The following NELL1 variants were observed in gnomAD, a reference collection of about 807,000 sequenced individuals.
NELL1 encodes the protein neural EGFL like 1.
NELL1 carries 76 observed loss-of-function variants against 107.4 expected under a neutral mutation model. The observed-to-expected ratio is 0.71, with a 90% CI of 0.59 to 0.86. The LOEUF (loss-of-function observed/expected upper bound fraction) is 0.86, where lower values mean the gene tolerates loss of function less well. Ranked by LOEUF, NELL1 falls within the 40% of genes least tolerant of loss-of-function variation. NELL1 has a pLI of 0.00. For missense variants in NELL1, 1,024 were observed against 1,005.5 expected (o/e 1.02, Z -0.25); for synonymous variants, 353 against 341.2 (o/e 1.03, Z -0.38).
intron 14 of NELL1, among the ~76,000 whole-genome samples, chr11:21,297,865 C>G (rs961591696): frequency 6.6e-6 from 1 of 151,492 alleles, no homozygotes; most frequent in Non-Finnish European, 1.5e-5. Flanking sequence ...CTCAGATGAG[C>G]CTTGACAAAG....
At chr11:21,167,901 T>C (rs1259784264) in intron 13 of NELL1, among the ~76,000 whole-genome samples, 1 of 151,860 alleles carries the variant, frequency 6.6e-6, no homozygotes, top group African/African-American at 2.4e-5. Context: ...AAACCAAATA[T>C]GCCTCCATGC....
At chr11:21,322,102 C>T (rs114692429) in intron 14 of NELL1, among the ~76,000 whole-genome samples, 2,145 of 152,178 alleles carry the variant, frequency 0.014, 54 homozygotes, top group African/African-American at 0.049. Flanking sequence ...ATTCTGTGCT[C>T]CTAAAGTCTA....
At chr11:20,750,817 A>T (rs538853268) in intron 2 of NELL1, among the ~76,000 whole-genome samples, 6 of 152,050 alleles carry the variant, frequency 3.9e-5, no homozygotes, top group South Asian at 2.1e-4. Flanking sequence ...TTAACTCCTG[A>T]TCTCAAGGAA....
At chr11:21,025,489 C>A (rs1811807265) in intron 12 of NELL1, among the ~76,000 whole-genome samples, 1 of 151,446 alleles carries the variant, frequency 6.6e-6, no homozygotes, top group Non-Finnish European at 1.5e-5. Flanking sequence ...GCATGGCTAC[C>A]TGCATAATTA....
At chr11:20,719,179 ATC>A (rs1855320163) in intron 2 of NELL1, among the ~76,000 whole-genome samples, 2 of 152,172 alleles carry the variant, frequency 1.3e-5, no homozygotes, top group South Asian at 4.1e-4. Flanking sequence ...ATTTGGTTCA[ATC>A]TCTTTTTGAT....
At chr11:21,146,502 C>T (rs912257052) in intron 13 of NELL1, among the ~76,000 whole-genome samples, 4 of 152,070 alleles carry the variant, frequency 2.6e-5, no homozygotes, top group South Asian at 2.1e-4. Context: ...TAGCTGTGGT[C>T]GTAAGAGTGA....
chr11:21,284,091 A>G (rs1849056940), intron 14 of NELL1: 3 of 374,986 alleles, frequency 8.0e-6, no homozygotes, highest in Non-Finnish European at 1.6e-5. Flanking sequence ...GAAATTCATA[A>G]TGCCATCATG....
chr11:21,140,990 C>A, intron 13 of NELL1, among the ~76,000 whole-genome samples: 1 of 151,956 alleles, frequency 6.6e-6, no homozygotes, highest in East Asian at 1.9e-4. Context: ...TTTTATAGAC[C>A]CTGCAAAGTA....
chr11:21,409,403 G>A (rs1365670185), intron 15 of NELL1, among the ~76,000 whole-genome samples: 1 of 151,958 alleles, frequency 6.6e-6, no homozygotes, highest in Non-Finnish European at 1.5e-5. Flanking sequence ...GACACAGGAA[G>A]GGGAACATCA....
chr11:21,088,059 CTGTGTGTG>C (rs56900585), intron 12 of NELL1, among the ~76,000 whole-genome samples: 3,337 of 136,050 alleles, frequency 0.025, 48 homozygotes, highest in Middle Eastern at 0.058. Flanking sequence ...CCCAGTAGCT[CTGTGTGTG>C]TGTGTGTGTG....
intron 12 of NELL1, among the ~76,000 whole-genome samples, chr11:21,039,013 A>C (rs73460634): frequency 0.03 from 4,494 of 152,190 alleles, 221 homozygotes; most frequent in African/African-American, 0.1. Context: ...AACCACTTTG[A>C]GTAACACTGG....
chr11:21,295,281 C>A (rs759414646), intron 14 of NELL1, among the ~76,000 whole-genome samples: 4 of 151,970 alleles, frequency 2.6e-5, no homozygotes, highest in Admixed American at 6.6e-5. Context: ...ACTACTAAAG[C>A]TATCTCTCAA....
intron 3 of NELL1, among the ~76,000 whole-genome samples, chr11:20,818,947 C>T (rs1435253487): frequency 6.6e-6 from 1 of 152,160 alleles, no homozygotes; most frequent in Non-Finnish European, 1.5e-5. Context: ...TATTATTACC[C>T]TCGCATCACA....
chr11:21,357,696 G>A (rs1019622195), intron 14 of NELL1, among the ~76,000 whole-genome samples: 55 of 152,178 alleles, frequency 3.6e-4, no homozygotes, highest in Middle Eastern at 3.4e-3. Context: ...TTGCTTTTGC[G>A]CTCTTGGTAA....
chr11:20,731,970 T>C (rs1044444113), intron 2 of NELL1, among the ~76,000 whole-genome samples: 1 of 152,186 alleles, frequency 6.6e-6, no homozygotes, highest in African/African-American at 2.4e-5. Flanking sequence ...AAATCACTGG[T>C]GTGCTCTCTA....
chr11:21,531,172 A>C (rs1397909158), intron 15 of NELL1, among the ~76,000 whole-genome samples: 2 of 151,992 alleles, frequency 1.3e-5, no homozygotes, highest in Non-Finnish European at 2.9e-5. Flanking sequence ...ACAAAACACA[A>C]ACACACACAC....
chr11:20,954,210 C>T (rs1294036004), intron 11 of NELL1, among the ~76,000 whole-genome samples: 1 of 152,148 alleles, frequency 6.6e-6, no homozygotes, highest in Non-Finnish European at 1.5e-5. Flanking sequence ...GTATGTAAAA[C>T]ACTTAGCCAA....
chr11:21,279,713 T>C (rs879596209), intron 14 of NELL1, among the ~76,000 whole-genome samples: 1 of 152,190 alleles, frequency 6.6e-6, no homozygotes, highest in Non-Finnish European at 1.5e-5. Context: ...ATTGTGCTTC[T>C]TGGTATTTTT....
intron 12 of NELL1, among the ~76,000 whole-genome samples, chr11:21,051,292 CCAA>C (rs1853486595): frequency 6.6e-6 from 1 of 152,058 alleles, no homozygotes; most frequent in African/African-American, 2.4e-5. Flanking sequence ...GAATGGAAAA[CCAA>C]ACACTATATG....
Sources: gnomAD v4.1 joint callset for allele counts (sites outside exome capture counted in the v4.1 genomes callset) on GRCh38, gnomAD v4.1.1 for gene constraint, MANE v1.5 for transcripts, NCBI Gene and HGNC (gene_info 2026-07-23, HGNC 2026-07-21) for gene names.